PCDHA4: variants seen among roughly 807,000 people sequenced by gnomAD.
The protein encoded by PCDHA4 is protocadherin alpha-4.
Under a neutral mutation model 61.4 loss-of-function variants are expected in PCDHA4, and 49 were observed. The ratio of observed to expected loss-of-function variants is 0.80; its 90% CI spans 0.63 to 1.01. The LOEUF (loss-of-function observed/expected upper bound fraction) is 1.01. PCDHA4 is among the 50% of genes least tolerant of loss of function. The pLI, the probability that PCDHA4 is intolerant of heterozygous loss-of-function variation, is 0.00. For missense variants in PCDHA4, 1,254 were observed against 1,235.8 expected (o/e 1.01, Z -0.22); for synonymous variants, 590 against 550.3 (o/e 1.07, Z -1.01).
At chr5:140,819,845 C>T (rs1413889296) in intron 1 of PCDHA4, among the ~76,000 whole-genome samples, 2 of 151,922 alleles carry the variant, frequency 1.3e-5, no homozygotes, top group African/African-American at 2.4e-5. Context: ...GACTTTTTCT[C>T]CATTGAGTAT....
intron 1 of PCDHA4, chr5:140,927,842 T>A (rs201721848): frequency 1.9e-6 from 3 of 1,614,140 alleles, no homozygotes; most frequent in Admixed American, 1.7e-5. Context: ...GACGAAGGTG[T>A]CTTTGGTTTA....
intron 1 of PCDHA4, chr5:140,843,780 GT>G: frequency 7.0e-7 from 1 of 1,429,410 alleles, no homozygotes; most frequent in Non-Finnish European, 9.6e-7. Context: ...CTTTAAAAGT[GT>G]TTCAGATTTA....
At chr5:140,824,113 A>G (rs1581806457) in intron 1 of PCDHA4, 1 of 1,613,954 alleles carries the variant, frequency 6.2e-7, no homozygotes. Flanking sequence ...TCAGGGTCCC[A>G]CCTCTACAGA....
chr5:141,006,405 C>T (rs782532612), intron 3 of PCDHA4, among the ~76,000 whole-genome samples: 28 of 151,916 alleles, frequency 1.8e-4, no homozygotes, highest in Middle Eastern at 6.8e-3. Context: ...AGTAGAGACG[C>T]GGTTTCACTG....
At chr5:140,928,097 C>T (rs2084934742) in intron 1 of PCDHA4, 2 of 1,614,054 alleles carry the variant, frequency 1.2e-6, no homozygotes, top group African/African-American at 2.7e-5. Flanking sequence ...ATTGATGGGC[C>T]CCTGGACCGG....
chr5:140,977,012 TTC>T (rs2096742095), intron 1 of PCDHA4, among the ~76,000 whole-genome samples: 1 of 152,220 alleles, frequency 6.6e-6, no homozygotes, highest in African/African-American at 2.4e-5. Context: ...GTAACTGTGA[TTC>T]TGTCAAATGA....
chr5:140,924,253 A>G (rs550218351), intron 1 of PCDHA4, among the ~76,000 whole-genome samples: 1 of 152,212 alleles, frequency 6.6e-6, no homozygotes, highest in African/African-American at 2.4e-5. Context: ...TCCTGGTGAG[A>G]TCTAATGAGG....
In PCDHA4 at chr5:140,809,025, C is replaced by T. The variant is rs782755918; in HGVS notation, c.1838C>T (p.Pro613Leu). 2 of 1,613,628 alleles carry T rather than the reference C, an allele frequency of 1.2e-6. No homozygotes were observed. Among genetic ancestry groups the T allele is most frequent in the African/African-American group, 1.3e-5 (1 of 75,028 alleles). Residue 613 changes from proline to leucine, a missense_variant, in exon 1 of 4, where the codon CCG becomes CTG. Physicochemically the swap from Pro to Leu is moderately conservative, Grantham distance 98. Coordinates refer to ENST00000530339, the MANE Select transcript of PCDHA4 (RefSeq NM_018907.4). Reference sequence around the variant, plus strand: ...GCGTGGCTTTCGTACGAGCTGCAGCCGGGGACTGGTGGCGCGCGCATCCCG... The same window carrying T: ...GCGTGGCTTTCGTACGAGCTGCAGCTGGGGACTGGTGGCGCGCGCATCCCG... ...YNAWLSYELQ[P>L]GTGGARIPFR...
intron 1 of PCDHA4, among the ~76,000 whole-genome samples, chr5:140,941,255 C>CTTTCTTTCTCTT (rs782490896): frequency 9.0e-5 from 4 of 44,506 alleles, no homozygotes; most frequent in Non-Finnish European, 1.5e-4. Flanking sequence ...TTCTTTCTTT[C>CTTTCTTTCTCTT]TCTTTCTTTC....
intron 1 of PCDHA4, among the ~76,000 whole-genome samples, chr5:140,885,242 A>G (rs1481024816): frequency 6.6e-6 from 1 of 152,038 alleles, no homozygotes; most frequent in Non-Finnish European, 1.5e-5. Context: ...TCAATTTTTT[A>G]TTTGCATTCA....
intron 1 of PCDHA4, chr5:140,836,052 G>A (rs2150251542): frequency 2.4e-5 from 39 of 1,613,494 alleles, no homozygotes; most frequent in African/African-American, 4.0e-5. Flanking sequence ...GTTCGTGCTG[G>A]ACGAGAACGA....
chr5:140,870,553 C>T, intron 1 of PCDHA4: 1 of 1,614,032 alleles, frequency 6.2e-7, no homozygotes, highest in East Asian at 2.2e-5. Flanking sequence ...CGCGGACGCG[C>T]AGGAGAACGC....
At chr5:140,884,440 G>A in intron 1 of PCDHA4, 1 of 1,613,830 alleles carries the variant, frequency 6.2e-7, no homozygotes, top group Non-Finnish European at 8.5e-7. Flanking sequence ...TGCGGTGCTC[G>A]GCACCGCCCA....
intron 1 of PCDHA4, among the ~76,000 whole-genome samples, chr5:140,975,268 G>C (rs1054634006): frequency 6.6e-6 from 1 of 152,102 alleles, no homozygotes; most frequent in African/African-American, 2.4e-5. Flanking sequence ...TCTGATTTCT[G>C]TCTCTGACCT....
At chr5:140,874,401 A>G (rs2054889687) in intron 1 of PCDHA4, among the ~76,000 whole-genome samples, 1 of 152,218 alleles carries the variant, frequency 6.6e-6, no homozygotes, top group African/African-American at 2.4e-5. Context: ...CTTGCATAAC[A>G]GTCACCATTC....
In PCDHA4 at chr5:141,011,378, C is replaced by T. The variant is rs1419825590; in HGVS notation, c.*1441C>T. 1 of 153,742 alleles carries T rather than the reference C, an allele frequency of 6.5e-6. No individual in the cohort carries two copies. Among genetic ancestry groups the T allele is most frequent in the African/African-American group, 2.4e-5 (1 of 41,460 alleles). The allele number at this position is 153,742 out of a possible 1,614,324, so 9.5% of individuals were successfully genotyped here. Reference sequence around the variant, plus strand: ...ATGTATGCTGTATGCTATGCTAAGACTCCTGAAATATACTTACTCTGTGCT... The same window carrying T: ...ATGTATGCTGTATGCTATGCTAAGATTCCTGAAATATACTTACTCTGTGCT... On this transcript the variant is annotated 3_prime_UTR_variant, in exon 4 of 4. Coordinates refer to ENST00000530339, the MANE Select transcript of PCDHA4 (RefSeq NM_018907.4).
At chr5:140,957,726 A>T (rs1297510940) in intron 1 of PCDHA4, among the ~76,000 whole-genome samples, 4 of 152,164 alleles carry the variant, frequency 2.6e-5, no homozygotes, top group Non-Finnish European at 5.9e-5. Flanking sequence ...AAGAAGCAGA[A>T]TTATATATAC....
At chr5:140,963,168 T>G (rs1554226465) in intron 1 of PCDHA4, among the ~76,000 whole-genome samples, 1 of 152,160 alleles carries the variant, frequency 6.6e-6, no homozygotes, top group East Asian at 1.9e-4. Flanking sequence ...ACATGCCATC[T>G]TACAGATATG....
At chr5:140,913,969 AT>A (rs1304513966) in intron 1 of PCDHA4, among the ~76,000 whole-genome samples, 3 of 152,098 alleles carry the variant, frequency 2.0e-5, no homozygotes, top group Admixed American at 2.0e-4. Context: ...TTAAAAAAAT[AT>A]TTTAGGACTT....
Sources: allele counts gnomAD v4.1 joint callset (sites outside exome capture counted in the v4.1 genomes callset), GRCh38; gene constraint gnomAD v4.1.1; transcripts MANE v1.5; gene names NCBI Gene and HGNC (gene_info 2026-07-23, HGNC 2026-07-21).